Variants in DLG1 observed in about 807,000 individuals in gnomAD.
DLG1 encodes disks large homolog 1.
Under a neutral mutation model 123.4 loss-of-function variants are expected in DLG1, and 42 were observed. The observed-to-expected ratio is 0.34, with a 90% CI of 0.27 to 0.44. The LOEUF is 0.44. Ranked by LOEUF, DLG1 falls within the 20% of genes least tolerant of loss-of-function variation. The probability of loss-of-function intolerance (pLI) is 1.00; values close to 1 mark genes in which losing one functional copy is unlikely to be tolerated. For synonymous variants in DLG1, 317 were observed against 356.2 expected (o/e 0.89, Z 1.24); for missense variants, 942 against 1,082.6 (o/e 0.87, Z 1.82).
chr3:197,276,247 T>C (rs889648172), intron 4 of DLG1, among the ~76,000 whole-genome samples: 1 of 152,238 alleles, frequency 6.6e-6, no homozygotes, highest in Admixed American at 6.5e-5. Context: ...TAATCTTTTA[T>C]ATCCCTTGTT....
At chr3:197,150,144 C>T (rs1026621989) in intron 5 of DLG1, among the ~76,000 whole-genome samples, 2 of 152,002 alleles carry the variant, frequency 1.3e-5, no homozygotes, top group Admixed American at 6.6e-5. Flanking sequence ...GTTTTCTCTT[C>T]CCAAAGATAC....
intron 4 of DLG1, among the ~76,000 whole-genome samples, chr3:197,236,541 T>C (rs1252018337): frequency 6.6e-6 from 1 of 152,180 alleles, no homozygotes; most frequent in Non-Finnish European, 1.5e-5. Flanking sequence ...TGGCCCTACA[T>C]TGCCTATGGG....
Position 197,060,011 on chromosome 3 carries a change from G to A in DLG1, c.2374-13C>T, listed in dbSNP as rs1453636716. On this transcript the variant is annotated splice_polypyrimidine_tract_variant and intron_variant, in intron 22 of 24. Coordinates refer to ENST00000667157, the MANE Select transcript of DLG1 (RefSeq NM_001366207.1). ...TACAGTGTTTGCCCTAAAATAAAGG[G>A]AACAAAGAAAAAAAACAAGTGAGCC... 1.9e-6 allele frequency: 3 copies of A among 1,584,026 alleles called. No homozygotes were observed. The highest frequency in any genetic ancestry group is 1.8e-5 in the Admixed American group (1 of 54,996).
At chr3:197,179,362 C>A (rs1207310909) in intron 5 of DLG1, among the ~76,000 whole-genome samples, 4 of 152,018 alleles carry the variant, frequency 2.6e-5, no homozygotes, top group Non-Finnish European at 4.4e-5. Flanking sequence ...GAGGAAAGGT[C>A]AAAAAACTGG....
chr3:197,201,373 G>T (rs186105047), intron 4 of DLG1, among the ~76,000 whole-genome samples: 1 of 152,258 alleles, frequency 6.6e-6, no homozygotes, highest in Non-Finnish European at 1.5e-5. Flanking sequence ...GACAGAGTGA[G>T]ACTCCGTCTC....
intron 22 of DLG1, among the ~76,000 whole-genome samples, chr3:197,062,602 A>C (rs1445761226): frequency 6.6e-6 from 1 of 151,614 alleles, no homozygotes; most frequent in Non-Finnish European, 1.5e-5. Flanking sequence ...GTGCTTCCTT[A>C]TTTTTCTGGC....
At chr3:197,083,633 T>A (rs1752466600) in intron 16 of DLG1, among the ~76,000 whole-genome samples, 1 of 152,178 alleles carries the variant, frequency 6.6e-6, no homozygotes, top group Non-Finnish European at 1.5e-5. Flanking sequence ...ACTTTTGCTA[T>A]GTGCTAAGTA....
At chr3:197,266,748 A>G (rs1043306170) in intron 4 of DLG1, among the ~76,000 whole-genome samples, 2 of 152,174 alleles carry the variant, frequency 1.3e-5, no homozygotes, top group Non-Finnish European at 2.9e-5. Flanking sequence ...TTGAAGACAT[A>G]GCAACAGCAA....
Position 197,113,690 on chromosome 3 carries a change from C to T in DLG1, c.1443+2237G>A, listed in dbSNP as rs149256180. Among the ~76,000 whole-genome samples, 572 of 149,076 alleles carry T rather than the reference C, an allele frequency of 3.8e-3. 3 individuals are homozygous for T. The highest frequency in any genetic ancestry group is 0.014 in the African/African-American group (541 of 38,792). On this transcript the variant is annotated intron_variant, in intron 13 of 24. Transcript: ENST00000667157. ...TTGGTCTTGCTTTTTTGAACCAAGC[C>T]GACAATTTCTGTATCTTAAAATCGT...
intron 4 of DLG1, among the ~76,000 whole-genome samples, chr3:197,198,197 T>TGAC (rs1723585916): frequency 6.6e-6 from 1 of 152,102 alleles, no homozygotes; most frequent in African/African-American, 2.4e-5. Flanking sequence ...ACCGAAAAGA[T>TGAC]GACCCAAAGG....
intron 4 of DLG1, among the ~76,000 whole-genome samples, chr3:197,262,827 C>T (rs1165779199): frequency 6.6e-6 from 1 of 152,156 alleles, no homozygotes; most frequent in Non-Finnish European, 1.5e-5. Flanking sequence ...GTGTTGAGAG[C>T]AGAGGGAAAA....
intron 5 of DLG1, among the ~76,000 whole-genome samples, chr3:197,184,533 G>T (rs752099353): frequency 1.3e-5 from 2 of 152,126 alleles, no homozygotes; most frequent in Non-Finnish European, 2.9e-5. Context: ...ATTACAAATG[G>T]ATTTTCCTTT....
chr3:197,194,022 A>C (rs934862469), intron 5 of DLG1, among the ~76,000 whole-genome samples: 20 of 151,948 alleles, frequency 1.3e-4, no homozygotes, highest in African/African-American at 4.8e-4. Flanking sequence ...GGATTTCACC[A>C]TGTTGGCCAG....
intron 3 of DLG1, among the ~76,000 whole-genome samples, chr3:197,294,237 A>G (rs577102349): frequency 6.6e-6 from 1 of 152,326 alleles, no homozygotes; most frequent in South Asian, 2.1e-4. Flanking sequence ...TCTTACACCA[A>G]AATGTGATAT....
chr3:197,118,169 G>A (rs933816446), intron 12 of DLG1, among the ~76,000 whole-genome samples: 4 of 152,170 alleles, frequency 2.6e-5, no homozygotes, highest in African/African-American at 9.6e-5. Flanking sequence ...ATGAGGAACA[G>A]TAATCAAGGT....
At chr3:197,169,186 C>T (rs1443433417) in intron 5 of DLG1, among the ~76,000 whole-genome samples, 3 of 152,108 alleles carry the variant, frequency 2.0e-5, no homozygotes, top group Admixed American at 6.6e-5. Flanking sequence ...GACCATGTAC[C>T]GCCCTCCCTC....
intron 4 of DLG1, among the ~76,000 whole-genome samples, chr3:197,205,250 A>G (rs1727909061): frequency 6.6e-6 from 1 of 152,176 alleles, no homozygotes; most frequent in Admixed American, 6.5e-5. Flanking sequence ...AGGAAGATAT[A>G]AATTTCCAAA....
chr3:197,241,407 G>C (rs1748771592), intron 4 of DLG1, among the ~76,000 whole-genome samples: 1 of 151,294 alleles, frequency 6.6e-6, no homozygotes, highest in Admixed American at 6.6e-5. Flanking sequence ...ATGCTAAAAG[G>C]AATTACTCAA....
At chr3:197,077,039 CAA>C (rs1326844055) in intron 17 of DLG1, among the ~76,000 whole-genome samples, 1 of 152,070 alleles carries the variant, frequency 6.6e-6, no homozygotes, top group Non-Finnish European at 1.5e-5. Context: ...TGCTCTACAG[CAA>C]AAGTTATTTA....
Sources: allele counts gnomAD v4.1 joint callset (sites outside exome capture counted in the v4.1 genomes callset), GRCh38; gene constraint gnomAD v4.1.1; transcripts MANE v1.5; gene names NCBI Gene and HGNC (gene_info 2026-07-23, HGNC 2026-07-21).